FOXP3: variants seen among roughly 807,000 people sequenced by gnomAD.
The protein encoded by FOXP3 is forkhead box protein P3.
In FOXP3, 5 loss-of-function variants were observed where a neutral mutation model predicts 31.2. The ratio of observed to expected loss-of-function variants is 0.16; its 90% CI spans 0.08 to 0.34. The LOEUF (loss-of-function observed/expected upper bound fraction) is 0.34, where lower values mean the gene tolerates loss of function less well. Among genes scored for constraint, FOXP3 ranks in the 10% least tolerant of loss-of-function variants. FOXP3 has a pLI of 1.00. For synonymous variants in FOXP3, 141 were observed against 148.8 expected, an observed-to-expected ratio of 0.95 and a Z score of 0.38; for missense variants, 251 against 363.0, an observed-to-expected ratio of 0.69 and a Z score of 2.51.
Position 49,255,791 on chromosome X carries a change from G to T in FOXP3, c.659C>A (p.Ala220Glu), listed in dbSNP as rs2232369. The change falls in exon 7 of 12, where the codon GCG (alanine) becomes GAG (glutamate). Residue 220 changes from alanine (A) to glutamate (E), a missense_variant. Ala to Glu is a moderately radical substitution (Grantham distance 107). Around this residue, in one of 4 missense-constraint regions of FOXP3, gnomAD observed 152 missense variants for 188.1 expected, o/e 0.81. Transcript: ENST00000376207. ...EPEDFLKHCQ[A>E]DHLLDEKGRA... ...GCCCTTCTCATCCAGAAGATGGTCC[G>T]CCTGGCAGTGCCTAAGTAGGGAGAA... The T allele has an allele frequency of 2.5e-6, 3 of 1,203,344 alleles. No individual in the cohort carries two copies. The Admixed American group carries it at 6.6e-5, about 26-fold the overall frequency.
Position 49,253,159 on chromosome X carries a change from T to C in FOXP3, c.1011A>G (p.Arg337=), listed in dbSNP as rs1315984365. 1 of 1,206,294 alleles carries C rather than the reference T, an allele frequency of 8.3e-7. No individual in the cohort carries two copies. The highest frequency in any genetic ancestry group is 1.1e-6 in the Non-Finnish European group (1 of 893,947). The change falls in exon 10 of 12, where the codon CGA becomes CGG. Residue 337 remains arginine (R), a synonymous_variant. Transcript: ENST00000376207. ...TGAGCGTGGCGTAGGTGAAAGGGGG[T>C]CGCATGTTGTGGAACTTGAAGTAGT... ...NMDYFKFHNM[R]PPFTYATLIR...
intron 1 of FOXP3, among the ~76,000 whole-genome samples, chrX:49,259,401 C>G (rs2066096753): frequency 9.1e-6 from 1 of 110,413 alleles, no homozygotes; most frequent in Admixed American, 9.6e-5. Context: ...ACGGATCCAG[C>G]ATGGCAAGTG....
chrX:49,258,506 C>A lies in FOXP3; in HGVS notation c.-1G>T. ...GCTTGCCAGGCCTGGGGTTGGGCAT[C>A]GGGTCCTTGTCCAAGGGCAGGCTGC... On this transcript the variant is annotated 5_prime_UTR_variant, in exon 2 of 12. Coordinates refer to ENST00000376207, the MANE Select transcript of FOXP3 (RefSeq NM_014009.4). 1 of 1,164,618 alleles carries A rather than the reference C, an allele frequency of 8.6e-7. No homozygotes were observed. Among genetic ancestry groups the A allele is most frequent in the East Asian group, 3.1e-5 (1 of 32,463 alleles).
At chrX:49,252,938 G>A (rs782103431) in intron 10 of FOXP3, among the ~76,000 whole-genome samples, 188 bp downstream of exon 10, 17 of 109,912 alleles carry the variant, frequency 1.5e-4, no homozygotes, top group African/African-American at 3.0e-4. Flanking sequence ...TTGGATTTGC[G>A]GACAGGTTTG....
chrX:49,253,712 G>A (rs782217357), intron 9 of FOXP3, among the ~76,000 whole-genome samples: 2 of 112,033 alleles, frequency 1.8e-5, no homozygotes, highest in African/African-American at 3.2e-5. Flanking sequence ...CCCGACACTC[G>A]AGACCATATG....
At position 49,251,075 on chromosome X, in the gene FOXP3, G is replaced by T; in HGVS notation, c.*259C>A. 2.4e-6 allele frequency: 1 copy of T among 417,013 alleles called. No homozygotes were observed. Among genetic ancestry groups the T allele is most frequent in the Non-Finnish European group, 4.2e-6 (1 of 239,411 alleles). 34.4% of individuals were successfully genotyped at this position (417,013 alleles called of 1,213,427 possible). On this transcript the variant is annotated 3_prime_UTR_variant, in exon 12 of 12. Coordinates refer to ENST00000376207, the MANE Select transcript of FOXP3 (RefSeq NM_014009.4). ...AAGGCTCTGTTTGGCTGCAGGGCTC[G>T]ACTGGGGGGTGTGTCTGGGGCGGAG...
rs782303757 is a variant in FOXP3 at position 49,256,220 on chromosome X, A to AAGAGAG, written c.648-424_648-419dup. Among the ~76,000 whole-genome samples the AAGAGAG allele has an allele frequency of 1.3e-3, 84 of 67,018 alleles. 1 individual carries two copies. The highest frequency in any genetic ancestry group is 8.4e-3 in the East Asian group (16 of 1,916). 58.2% of individuals were successfully genotyped at this position (67,018 alleles called of 115,157 possible). ...TGTGTGTGTGTGTGAGAGAGAGAGA[A>AAGAGAG]AGAGAGAGAGAGAGAGAGAGAGAGA... On this transcript the variant is annotated intron_variant, in intron 6 of 11. Transcript: ENST00000376207.
chrX:49,255,625 C>T (rs781925720), intron 7 of FOXP3, 90 bp downstream of exon 7: 453 of 1,107,560 alleles, frequency 4.1e-4, no homozygotes, highest in East Asian at 1.5e-3. Context: ...TACCAGCCCT[C>T]GTCCCAGGTG....
intron 1 of FOXP3, among the ~76,000 whole-genome samples, chrX:49,260,247 TG>T (rs2147951004): frequency 1.8e-5 from 2 of 111,376 alleles, no homozygotes; most frequent in African/African-American, 6.5e-5. Flanking sequence ...CACCAGAAGC[TG>T]GGGGAGAGGC....
rs1236348828 is a variant in FOXP3 at position 49,257,571 on chromosome X, G to C, written c.316-6C>G. On this transcript the variant is annotated splice_region_variant and splice_polypyrimidine_tract_variant and intron_variant, in intron 3 of 11. Coordinates refer to ENST00000376207, the MANE Select transcript of FOXP3 (RefSeq NM_014009.4). ...TGGGCATCCACCGTTGAGAGCTGGG[G>C]GGCACATGTGGGCTGTGGTTCAGCC... 5.0e-6 allele frequency: 6 copies of C among 1,191,810 alleles called. No homozygotes were observed. Among genetic ancestry groups the C allele is most frequent in the African/African-American group, 1.8e-5 (1 of 56,896 alleles).
Position 49,257,537 on chromosome X carries a change from G to A in FOXP3, c.344C>T (p.Thr115Ile). 1 of 1,177,760 alleles carries A rather than the reference G, an allele frequency of 8.5e-7. No homozygotes were observed. Among genetic ancestry groups the A allele is most frequent in the Non-Finnish European group, 1.1e-6 (1 of 874,324 alleles). The change falls in exon 4 of 12, where the codon ACC becomes ATC. Residue 115 changes from threonine to isoleucine, a missense_variant. This residue lies in a region of FOXP3 where 152 missense variants were observed against 188.1 expected (regional missense o/e 0.81). Transcript: ENST00000376207. ...CAGGGGGTGCACCTGCAGCACAGGG[G>A]TCCGGGCGTGGGCATCCACCGTTGA... is the stretch of plus-strand genomic sequence containing the variant. Reference protein sequence around the residue: ...QLSTVDAHARTPVLQVHPLES... With the variant: ...QLSTVDAHARIPVLQVHPLES...
intron 1 of FOXP3, among the ~76,000 whole-genome samples, chrX:49,261,361 C>T (rs1557117181): frequency 8.9e-6 from 1 of 112,766 alleles, no homozygotes. Context: ...TTCCCAAATA[C>T]ATGGCCACTC....
At chrX:49,253,321 C>T (rs782470739) in intron 9 of FOXP3, 119 bp from the exon 10 acceptor site, 30 of 555,819 alleles carry the variant, frequency 5.4e-5, no homozygotes, top group East Asian at 1.5e-4. Flanking sequence ...CCCGTGTCCA[C>T]GGGCACAGGT....
intron 1 of FOXP3, among the ~76,000 whole-genome samples, chrX:49,263,642 G>T (rs1205086518): frequency 8.9e-6 from 1 of 112,307 alleles, no homozygotes; most frequent in Non-Finnish European, 1.9e-5. Context: ...TATATAGCAT[G>T]ATTCTAATTT....
chrX:49,256,651 T>G, intron 6 of FOXP3, 100 bp downstream of exon 6: 1 of 690,449 alleles, frequency 1.4e-6, no homozygotes, highest in Non-Finnish European at 2.3e-6. Flanking sequence ...AGCTCTTGCA[T>G]CTTACTACTT....
chrX:49,250,755 C>T lies in FOXP3; in HGVS notation c.*579G>A. 1 of 253,538 alleles carries T rather than the reference C, an allele frequency of 3.9e-6. No homozygotes were observed. Among genetic ancestry groups the T allele is most frequent in the Non-Finnish European group, 7.4e-6 (1 of 135,930 alleles). The allele number at this position is 253,538 out of a possible 1,213,427, so 20.9% of individuals were successfully genotyped here. A position where few individuals can be genotyped will look rare whatever the true frequency, so the allele number is the denominator to read the frequency against. ...ACCTCAGATCCTGAGGGTACTGACG[C>T]TGCTTCTGTGTAGGCCTCTGGGCAC... On this transcript the variant is annotated 3_prime_UTR_variant, in exon 12 of 12. Coordinates refer to ENST00000376207, the MANE Select transcript of FOXP3 (RefSeq NM_014009.4).
intron 2 of FOXP3, 68 bp downstream of exon 2, chrX:49,258,228 G>A: frequency 1.1e-6 from 1 of 934,248 alleles, no homozygotes; most frequent in Non-Finnish European, 1.5e-6. Context: ...CAGTGCCACA[G>A]TAAAGGTCGG....
In FOXP3 at chrX:49,257,026, C is replaced by T. The variant is rs914653327; in HGVS notation, c.455-14G>A. ...CCACGTTGATCCCTGTGGGTGGGGA[C>T]AGGGCACCTATGGAGGCTGTGGGCT... On this transcript the variant is annotated splice_polypyrimidine_tract_variant and intron_variant, in intron 4 of 11. Coordinates refer to ENST00000376207, the MANE Select transcript of FOXP3 (RefSeq NM_014009.4). 1.7e-6 allele frequency: 2 copies of T among 1,191,178 alleles called. No individual in the cohort carries two copies. The highest frequency in any genetic ancestry group is 1.7e-5 in the African/African-American group (1 of 57,399).
rs2066050858 is a variant in FOXP3 at position 49,253,952 on chromosome X, T to G, written c.932A>C (p.His311Pro). ...APDSLFAVRR[H>P]LWGSHGNSTF... ...GCTGTTTCCATGGCTACCCCACAGG[T>G]GCCTCCGGACAGCAAACAGGCTGTC... The change falls in exon 9 of 12, where the codon CAC (histidine) becomes CCC (proline). Residue 311 changes from histidine to proline, a missense_variant. Around this residue, in one of 4 missense-constraint regions of FOXP3, gnomAD observed 57 missense variants for 60.9 expected, o/e 0.94. Coordinates refer to ENST00000376207, the MANE Select transcript of FOXP3 (RefSeq NM_014009.4). 8.3e-7 allele frequency: 1 copy of G among 1,208,636 alleles called. No individual in the cohort carries two copies. Among genetic ancestry groups the G allele is most frequent in the African/African-American group, 1.8e-5 (1 of 56,796 alleles).
Sources: gnomAD v4.1 joint callset for allele counts (sites outside exome capture counted in the v4.1 genomes callset) on GRCh38, gnomAD v4.1.1 for gene constraint, gnomAD v4.1.1 regional missense constraint, MANE v1.5 for transcripts, NCBI Gene and HGNC (gene_info 2026-07-23, HGNC 2026-07-21) for gene names.